ARHGAP15: variants seen among roughly 807,000 people sequenced by gnomAD.
The protein encoded by ARHGAP15 is rho GTPase-activating protein 15.
Under a neutral mutation model 63.7 loss-of-function variants are expected in ARHGAP15, and 51 were observed. The observed-to-expected ratio is 0.80, with a 90% CI of 0.64 to 1.01. ARHGAP15 has a LOEUF of 1.01. Ranked by LOEUF, ARHGAP15 falls within the 50% of genes least tolerant of loss-of-function variation. The probability of loss-of-function intolerance (pLI) is 0.00; values close to 1 mark genes in which losing one functional copy is unlikely to be tolerated. For synonymous variants in ARHGAP15, 191 were observed against 193.8 expected (o/e 0.99, Z 0.12); for missense variants, 560 against 564.6 (o/e 0.99, Z 0.08).
At chr2:143,756,040 A>G (rs916765586) in intron 13 of ARHGAP15, among the ~76,000 whole-genome samples, 12 of 152,270 alleles carry the variant, frequency 7.9e-5, no homozygotes, top group African/African-American at 2.9e-4. Flanking sequence ...GATGATACCC[A>G]AATTGCAACT....
chr2:143,474,174 G>C (rs1018397386), intron 8 of ARHGAP15, among the ~76,000 whole-genome samples: 3 of 151,972 alleles, frequency 2.0e-5, no homozygotes, highest in African/African-American at 7.3e-5. Context: ...TCTTCCCCCA[G>C]GGAAAAGGAA....
intron 13 of ARHGAP15, among the ~76,000 whole-genome samples, chr2:143,765,406 A>G (rs767451854): frequency 1.4e-4 from 21 of 152,280 alleles, no homozygotes; most frequent in Non-Finnish European, 2.9e-4. Context: ...ACAAAGTGGC[A>G]TAGCTTCTTA....
intron 6 of ARHGAP15, among the ~76,000 whole-genome samples, chr2:143,262,549 T>A (rs894176209): frequency 4.3e-4 from 64 of 148,820 alleles, no homozygotes; most frequent in African/African-American, 1.4e-3. Flanking sequence ...TTTTTTTTTT[T>A]TTTTTTTTTT....
chr2:143,298,402 C>A (rs1046796622), intron 6 of ARHGAP15, among the ~76,000 whole-genome samples: 1 of 151,942 alleles, frequency 6.6e-6, no homozygotes, highest in Non-Finnish European at 1.5e-5. Flanking sequence ...TTTACCTTAT[C>A]ATTATAACAT....
At chr2:143,364,897 G>C (rs1052802817) in intron 6 of ARHGAP15, among the ~76,000 whole-genome samples, 1 of 152,066 alleles carries the variant, frequency 6.6e-6, no homozygotes, top group Non-Finnish European at 1.5e-5. Flanking sequence ...TCCCAGCTAC[G>C]CAGAAGGCTG....
chr2:143,552,092 A>G lies in ARHGAP15; in HGVS notation c.926-4316A>G, dbSNP rs1356371885. 2.0e-5 allele frequency among the ~76,000 whole-genome samples: 3 copies of G among 152,342 alleles called. No homozygotes were observed. In the East Asian group the frequency reaches 5.8e-4, roughly 29 times the overall value. On this transcript the variant is annotated intron_variant, in intron 10 of 13. Coordinates refer to ENST00000295095, the MANE Select transcript of ARHGAP15 (RefSeq NM_018460.4). ...GCCAGAAGTTCAAAGTATTGCGAGA[A>G]TGGCACTTCTTGTGGTAGCTCTGGC...
At chr2:143,181,398 T>G (rs570352101) in intron 2 of ARHGAP15, among the ~76,000 whole-genome samples, 2 of 152,350 alleles carry the variant, frequency 1.3e-5, no homozygotes, top group Admixed American at 6.5e-5. Context: ...ACTTTTCCTC[T>G]TGAGCTATGG....
chr2:143,591,642 G>A (rs1408658200), intron 11 of ARHGAP15, among the ~76,000 whole-genome samples: 3 of 140,614 alleles, frequency 2.1e-5, no homozygotes, highest in African/African-American at 7.9e-5. Context: ...TTTTTTTAGA[G>A]AAAGTCTTGC....
intron 13 of ARHGAP15, among the ~76,000 whole-genome samples, chr2:143,717,980 T>C (rs971776048): frequency 6.6e-6 from 1 of 151,940 alleles, no homozygotes; most frequent in Non-Finnish European, 1.5e-5. Flanking sequence ...CGTGACAAGG[T>C]GCTGACAAGT....
chr2:143,486,408 C>CAAA (rs35904219), intron 8 of ARHGAP15, among the ~76,000 whole-genome samples: 1 of 133,332 alleles, frequency 7.5e-6, no homozygotes, highest in African/African-American at 2.8e-5. Flanking sequence ...CCATTTCTAC[C>CAAA]AAAAAAAAAA....
chr2:143,768,242 A>G lies in ARHGAP15; in HGVS notation c.*70A>G, dbSNP rs746508762. 7 of 1,452,672 alleles carry G rather than the reference A, an allele frequency of 4.8e-6. No homozygotes were observed. Among genetic ancestry groups the G allele is most frequent in the Admixed American group, 2.5e-5 (1 of 39,998 alleles). 90.0% of individuals were successfully genotyped at this position (1,452,672 alleles called of 1,614,324 possible). A position where few individuals can be genotyped will look rare whatever the true frequency, so the allele number is the denominator to read the frequency against. On this transcript the variant is annotated 3_prime_UTR_variant, in exon 14 of 14. Transcript: ENST00000295095. ...CTAATATTTTTACATTTCTGTAAAC[A>G]TATTTCTGAAATATTTTTTGCCTTT...
chr2:143,431,085 A>G (rs1010249913), intron 6 of ARHGAP15, among the ~76,000 whole-genome samples: 1 of 152,066 alleles, frequency 6.6e-6, no homozygotes, highest in Non-Finnish European at 1.5e-5. Context: ...AAGAAAAATC[A>G]GAGCTAGGAT....
At chr2:143,616,424 T>C (rs1574713561) in intron 11 of ARHGAP15, among the ~76,000 whole-genome samples, 1 of 151,980 alleles carries the variant, frequency 6.6e-6, no homozygotes, top group Non-Finnish European at 1.5e-5. Flanking sequence ...TCCAAGAGAG[T>C]AACTAAAGAT....
intron 6 of ARHGAP15, among the ~76,000 whole-genome samples, chr2:143,288,045 C>T (rs1349216738): frequency 2.6e-5 from 4 of 152,180 alleles, no homozygotes; most frequent in East Asian, 1.9e-4. Context: ...AACTCATACA[C>T]CTTGGCACAT....
Position 143,219,359 on chromosome 2 carries a change from A to G in ARHGAP15, c.296+2914A>G, listed in dbSNP as rs75775327. Among the ~76,000 whole-genome samples, 718 of 152,318 alleles carry G rather than the reference A, an allele frequency of 4.7e-3. 5 individuals are homozygous for G. The highest frequency in any genetic ancestry group is 0.016 in the African/African-American group (651 of 41,566). ...TAGATTTGTATAAGTACACTCTGTG[A>G]TGTTTGCACAGTGACACAATCACCT... On this transcript the variant is annotated intron_variant, in intron 4 of 13. Transcript: ENST00000295095.
At chr2:143,151,942 G>A (rs184808309) in intron 1 of ARHGAP15, among the ~76,000 whole-genome samples, 63 of 152,030 alleles carry the variant, frequency 4.1e-4, no homozygotes, top group African/African-American at 1.5e-3. Flanking sequence ...CATCCTGTTA[G>A]ATTTCCATCC....
intron 6 of ARHGAP15, among the ~76,000 whole-genome samples, chr2:143,367,070 T>C (rs924500202): frequency 1.3e-5 from 2 of 152,094 alleles, no homozygotes. Flanking sequence ...ACTTTTGTTT[T>C]AAATAGAATG....
intron 6 of ARHGAP15, among the ~76,000 whole-genome samples, chr2:143,334,288 TAAG>T (rs1375851776): frequency 6.6e-6 from 1 of 152,286 alleles, no homozygotes; most frequent in African/African-American, 2.4e-5. Flanking sequence ...GCAGTCTAAA[TAAG>T]AAGCACCAAT....
intron 10 of ARHGAP15, among the ~76,000 whole-genome samples, chr2:143,542,969 A>G (rs991548016): frequency 6.6e-6 from 1 of 150,408 alleles, no homozygotes; most frequent in Non-Finnish European, 1.5e-5. Context: ...GGTTAATTCC[A>G]TATCTTGGTT....
Sources: allele counts gnomAD v4.1 joint callset (sites outside exome capture counted in the v4.1 genomes callset), GRCh38; gene constraint gnomAD v4.1.1; transcripts MANE v1.5; gene names NCBI Gene and HGNC (gene_info 2026-07-23, HGNC 2026-07-21).